TENT2: variants seen among roughly 807,000 people sequenced by gnomAD.
TENT2 encodes poly(A) RNA polymerase GLD2.
TENT2 carries 44 observed loss-of-function variants against 72.2 expected under a neutral mutation model. The observed-to-expected ratio is 0.61, with a 90% CI of 0.48 to 0.78. The LOEUF is 0.78. TENT2 is among the 30% of genes least tolerant of loss of function. The pLI is 0.00. For synonymous variants in TENT2, 212 were observed against 192.5 expected, an observed-to-expected ratio of 1.10 and a Z score of -0.84; for missense variants, 541 against 569.6, an observed-to-expected ratio of 0.95 and a Z score of 0.51.
chr5:79,653,268 T>A (rs1795511623), intron 10 of TENT2, among the ~76,000 whole-genome samples: 1 of 152,098 alleles, frequency 6.6e-6, no homozygotes, highest in Non-Finnish European at 1.5e-5. Context: ...GAGGATTGCT[T>A]GAGGCCAGGA....
intron 11 of TENT2, among the ~76,000 whole-genome samples, chr5:79,666,499 C>A (rs1347468857): frequency 6.6e-6 from 1 of 151,720 alleles, no homozygotes; most frequent in Non-Finnish European, 1.5e-5. Context: ...CAGCAGTCAT[C>A]ACCATGCCCA....
At chr5:79,646,201 G>A (rs1414263658) in intron 8 of TENT2, among the ~76,000 whole-genome samples, 5 of 152,166 alleles carry the variant, frequency 3.3e-5, no homozygotes, top group African/African-American at 7.2e-5. Context: ...CAAGAAGGCT[G>A]TGATGGTGCC....
At chr5:79,677,030 C>T (rs1376043315) in intron 12 of TENT2, among the ~76,000 whole-genome samples, 2 of 152,144 alleles carry the variant, frequency 1.3e-5, no homozygotes, top group African/African-American at 4.8e-5. Context: ...TGCCACCGTA[C>T]CCCAGCCTGG....
chr5:79,613,443 C>T (rs1485913492), intron 1 of TENT2, among the ~76,000 whole-genome samples: 3 of 152,210 alleles, frequency 2.0e-5, no homozygotes, highest in African/African-American at 7.2e-5. Context: ...GAGATTGTAA[C>T]TGATTACTAA....
At position 79,685,220 on chromosome 5, in the gene TENT2, AAG is replaced by A; in HGVS notation, c.1408_1409del (p.Asp470PhefsTer28). ...CCAGTCATGGCACAGATTGAAAAAC[AAG>A]AGAGATTTGAACAGTATACTACCTG... ...FLKSWHRLKN[K>X]RDLNSILPVR... On this transcript the variant is annotated frameshift_variant, in exon 15 of 15. Transcript: ENST00000453514. LOFTEE classifies it high-confidence loss of function. 3.1e-6 allele frequency: 5 copies of A among 1,607,884 alleles called. No homozygotes were observed. The highest frequency in any genetic ancestry group is 3.4e-6 in the Non-Finnish European group (4 of 1,178,396).
At chr5:79,659,018 G>A (rs992190144) in intron 11 of TENT2, among the ~76,000 whole-genome samples, 5 of 152,074 alleles carry the variant, frequency 3.3e-5, no homozygotes, top group African/African-American at 1.2e-4. Flanking sequence ...CAAGACCTGC[G>A]AGATTAGGAA....
chr5:79,656,248 A>G (rs1797889262), intron 10 of TENT2, among the ~76,000 whole-genome samples: 1 of 125,892 alleles, frequency 7.9e-6, no homozygotes. Context: ...TTAATTAATG[A>G]GATTGGATTT....
intron 4 of TENT2, among the ~76,000 whole-genome samples, chr5:79,625,038 A>G (rs1406908994): frequency 2.0e-5 from 3 of 152,194 alleles, no homozygotes; most frequent in African/African-American, 4.8e-5. Context: ...CTTTCTTTAC[A>G]TGCTTTTGAA....
intron 11 of TENT2, among the ~76,000 whole-genome samples, chr5:79,666,575 A>C (rs1309147884): frequency 6.6e-6 from 1 of 151,734 alleles, no homozygotes; most frequent in Non-Finnish European, 1.5e-5. Flanking sequence ...TATTTTTTTT[A>C]GAGATAGGGT....
chr5:79,661,476 A>G (rs1802832657), intron 11 of TENT2, among the ~76,000 whole-genome samples: 1 of 152,214 alleles, frequency 6.6e-6, no homozygotes. Flanking sequence ...CTGTGCAGGC[A>G]TACGTTTGAG....
At chr5:79,621,055 A>G (rs1048424268) in intron 3 of TENT2, among the ~76,000 whole-genome samples, 2 of 152,158 alleles carry the variant, frequency 1.3e-5, no homozygotes, top group Admixed American at 6.5e-5. Flanking sequence ...TAAACATTCT[A>G]TAACCTTTAT....
Position 79,687,652 on chromosome 5 carries a change from C to T in TENT2, c.*2379C>T, listed in dbSNP as rs952101690. Among the ~76,000 whole-genome samples, 2 of 152,150 alleles carry T rather than the reference C, an allele frequency of 1.3e-5. No homozygotes were observed. The highest frequency in any genetic ancestry group is 4.8e-5 in the African/African-American group (2 of 41,450). On this transcript the variant is annotated 3_prime_UTR_variant, in exon 15 of 15. Coordinates refer to ENST00000453514, the MANE Select transcript of TENT2 (RefSeq NM_001114394.3). ...ATGCAACCATTCTGCCTCCTCCCTA[C>T]CCCCTCCCAAATATTTTTCATCCTG...
intron 13 of TENT2, among the ~76,000 whole-genome samples, chr5:79,681,150 ATTT>A (rs1158559796): frequency 3.2e-3 from 144 of 44,686 alleles, no homozygotes; most frequent in African/African-American, 0.012. Flanking sequence ...CTTTTCTTTG[ATTT>A]TTTTTTTTTT....
intron 11 of TENT2, among the ~76,000 whole-genome samples, chr5:79,660,989 T>C (rs1050738243): frequency 1.3e-5 from 2 of 151,548 alleles, no homozygotes; most frequent in Non-Finnish European, 2.9e-5. Context: ...CAAAAAAGTT[T>C]AAAAGGAAAA....
rs1439102440 is a variant in TENT2, at chr5:79,679,658, A to G, written c.1288A>G (p.Ile430Val). 1 of 1,583,242 alleles carries G rather than the reference A, an allele frequency of 6.3e-7. No individual in the cohort carries two copies. Among genetic ancestry groups the G allele is most frequent in the East Asian group, 2.2e-5 (1 of 44,498 alleles). ...PDGIEWRNKY[I>V]CVEEPFDGTN... The stretch of plus-strand genomic sequence containing the variant: ...TGGTATTGAATGGAGAAATAAATAC[A>G]TCTGTGTAGAAGGTAGTTTTCTGTT... The change falls in exon 13 of 15, where the codon ATC (isoleucine) becomes GTC (valine). Residue 430 changes from isoleucine (I) to valine (V), a missense_variant. Ile to Val is a conservative substitution (Grantham distance 29). Transcript: ENST00000453514.
rs147386496 is a variant in TENT2, at chr5:79,628,465, C to T, written c.465+4976C>T. ...AATTCACCCTGAAGATGGTTGATCCCCTTGAAGGCTATCCTAATGAGAGGT... is the reference window on the plus strand; with the variant it reads ...AATTCACCCTGAAGATGGTTGATCCTCTTGAAGGCTATCCTAATGAGAGGT... On this transcript the variant is annotated intron_variant, in intron 4 of 14. Coordinates refer to ENST00000453514, the MANE Select transcript of TENT2 (RefSeq NM_001114394.3). Among the ~76,000 whole-genome samples, 30 of 152,198 alleles carry T rather than the reference C, an allele frequency of 2.0e-4. No individual in the cohort carries two copies. The South Asian group carries it at 2.7e-3, about 14-fold the overall frequency.
rs527505024 is a variant in TENT2, at chr5:79,651,171, GT to G, written c.1027+1989del. Among the ~76,000 whole-genome samples, 432 of 148,100 alleles carry G rather than the reference GT, an allele frequency of 2.9e-3. 3 individuals carry two copies. Among genetic ancestry groups the G allele is most frequent in the Non-Finnish European group, 4.4e-3 (286 of 65,546 alleles). On this transcript the variant is annotated intron_variant, in intron 10 of 14. Transcript: ENST00000453514. Reference sequence around the variant, plus strand: ...ATTTGTTTTATTTTTTCTGGCTTTTGTTTTTTTTGCAAAGGTTTCAAGATGT... The same window carrying G: ...ATTTGTTTTATTTTTTCTGGCTTTTGTTTTTTTGCAAAGGTTTCAAGATGT...
intron 4 of TENT2, among the ~76,000 whole-genome samples, chr5:79,627,486 C>CT (rs1282673715): frequency 6.6e-6 from 1 of 151,838 alleles, no homozygotes; most frequent in African/African-American, 2.4e-5. Context: ...GAACCAATTT[C>CT]TTTTTTTTCG....
In TENT2 at chr5:79,620,100, T is replaced by A. The variant is rs746459706; in HGVS notation, c.227+17T>A. On this transcript the variant is annotated intron_variant, in intron 3 of 14. Coordinates refer to ENST00000453514, the MANE Select transcript of TENT2 (RefSeq NM_001114394.3). ...AGGAAGGAAGTAAGTACTTCTTAAT[T>A]ATTTTAAAAGAATATTTTTGCATTT... The A allele has an allele frequency of 1.1e-5, 17 of 1,526,306 alleles. No individual in the cohort carries two copies. The highest frequency in any genetic ancestry group is 1.4e-5 in the Non-Finnish European group (16 of 1,106,790). The allele number at this position is 1,526,306 out of a possible 1,614,324, so 94.5% of individuals were successfully genotyped here. A position where few individuals can be genotyped will look rare whatever the true frequency, so the allele number is the denominator to read the frequency against.
Sources: allele counts gnomAD v4.1 joint callset (sites outside exome capture counted in the v4.1 genomes callset), GRCh38; gene constraint gnomAD v4.1.1; transcripts MANE v1.5; gene names NCBI Gene and HGNC (gene_info 2026-07-23, HGNC 2026-07-21).